PM20D1: variants seen among roughly 807,000 people sequenced by gnomAD.
PM20D1 encodes the protein N-fatty-acyl-amino acid synthase/hydrolase PM20D1.
Under a neutral mutation model 53.8 loss-of-function variants are expected in PM20D1, and 53 were observed. The observed-to-expected ratio is 0.98, with a 90% CI of 0.79 to 1.24. PM20D1 has a LOEUF of 1.24. Ranked by LOEUF, PM20D1 falls within the 50% of genes most tolerant of loss-of-function variation. The pLI is 0.00. For synonymous variants in PM20D1, 239 were observed against 241.3 expected (o/e 0.99, Z 0.09); for missense variants, 564 against 616.8 (o/e 0.91, Z 0.91).
chr1:205,834,432 C>T lies in PM20D1; in HGVS notation c.1117-1666G>A, dbSNP rs549097969. Among the ~76,000 whole-genome samples, 222 of 152,298 alleles carry T rather than the reference C, an allele frequency of 1.5e-3. 1 individual carries two copies. Among genetic ancestry groups the T allele is most frequent in the African/African-American group, 5.1e-3 (211 of 41,578 alleles). ...TTGCCCTCCCAAAGTGCTAGGACTA[C>T]AGGCGTGAGCCACCGTGCCCGGCCC... On this transcript the variant is annotated intron_variant, in intron 10 of 12. Coordinates refer to ENST00000367136, the MANE Select transcript of PM20D1 (RefSeq NM_152491.5).
In PM20D1 at chr1:205,843,716, C is replaced by A. The variant is rs1656871620; in HGVS notation, c.778G>T (p.Ala260Ser). ...CCAATGCTTGTCTCCTTTGGAGGAG[C>A]TGAAGAGTGGCCTGAAGTCATGTTT... is the stretch of plus-strand genomic sequence containing the variant. ...QVNMTSGHSS[A>S]PPKETSIGIL... The change falls in exon 6 of 13, where the codon GCT (alanine) becomes TCT (serine). Residue 260 changes from alanine to serine, a missense_variant. Coordinates refer to ENST00000367136, the MANE Select transcript of PM20D1 (RefSeq NM_152491.5). The A allele has an allele frequency of 6.2e-7, 1 of 1,614,202 alleles. No individual in the cohort carries two copies. The highest frequency in any genetic ancestry group is 8.5e-7 in the Non-Finnish European group (1 of 1,180,036).
At chr1:205,840,552 T>A (rs1242658353) in intron 9 of PM20D1, among the ~76,000 whole-genome samples, 1 of 152,230 alleles carries the variant, frequency 6.6e-6, no homozygotes, top group Admixed American at 6.5e-5. Flanking sequence ...TGCTTCTTGG[T>A]GCTGCAGGGG....
Position 205,828,812 on chromosome 1 carries a change from G to A in PM20D1, c.1386-69C>T. On this transcript the variant is annotated intron_variant, in intron 12 of 12. Transcript: ENST00000367136. ...GTGCCACAGCACAAGTGTTATCACAGAGCACTTCCCTTACTTCCCTCACCA... is the reference window on the plus strand; with the variant it reads ...GTGCCACAGCACAAGTGTTATCACAAAGCACTTCCCTTACTTCCCTCACCA... 3 of 1,584,758 alleles carry A rather than the reference G, an allele frequency of 1.9e-6. No homozygotes were observed. The South Asian group carries it at 3.4e-5, about 18-fold the overall frequency.
intron 1 of PM20D1, among the ~76,000 whole-genome samples, chr1:205,848,981 G>GT (rs1323053279): frequency 2.6e-5 from 4 of 152,198 alleles, no homozygotes; most frequent in Non-Finnish European, 4.4e-5. Flanking sequence ...TGTGCAGACT[G>GT]TGAGTGGCTG....
chr1:205,843,936 G>A (rs1656878366), intron 5 of PM20D1, 150 bp from the exon 6 acceptor site: 3 of 1,464,086 alleles, frequency 2.0e-6, no homozygotes, highest in Non-Finnish European at 1.8e-6. Context: ...AGAATGGAAG[G>A]GGAAGCCTAG....
rs117326234 is a variant in PM20D1 at position 205,832,753 on chromosome 1, G to C, written c.1130C>G (p.Thr377Arg). ...TCTGTTATCAGCCACAATGTTCTTC[G>C]TGAGTTCTAGGACCTCCAGGGTAGA... is the stretch of plus-strand genomic sequence containing the variant. ...GQTVQEVLEL[T>R]KNIVADNRVQ... The change falls in exon 11 of 13, where the codon ACG becomes AGG. Residue 377 changes from threonine (T) to arginine (R), a missense_variant. Thr to Arg is a moderately conservative substitution (Grantham distance 71, BLOSUM62 -1). Transcript: ENST00000367136. 2 of 1,599,970 alleles carry C rather than the reference G, an allele frequency of 1.3e-6. No homozygotes were observed. Among genetic ancestry groups the C allele is most frequent in the Non-Finnish European group, 1.7e-6 (2 of 1,172,712 alleles).
chr1:205,844,727 G>T, intron 4 of PM20D1, 84 bp downstream of exon 4: 1 of 1,274,508 alleles, frequency 7.8e-7, no homozygotes, highest in Non-Finnish European at 1.1e-6. Flanking sequence ...CCTTGCTGCT[G>T]TGGGCAAACT....
At chr1:205,838,067 G>A (rs772320370) in intron 10 of PM20D1, among the ~76,000 whole-genome samples, 11 of 152,090 alleles carry the variant, frequency 7.2e-5, no homozygotes, top group Non-Finnish European at 1.6e-4. Flanking sequence ...CTACAATGAG[G>A]AGTGTGCCTC....
rs75574362 is a variant in PM20D1, at chr1:205,844,011, C to A, written c.707+76G>T. 6,870 of 1,542,248 alleles carry A rather than the reference C, an allele frequency of 4.5e-3. 22 individuals are homozygous for A. The highest frequency in any genetic ancestry group is 5.6e-3 in the Non-Finnish European group (6,430 of 1,140,468). ...CACAAAGAGTTGTCTCAGCATGGCTCACAGATACCAGGCTGGGGTCATCTC... is the reference window on the plus strand; with the variant it reads ...CACAAAGAGTTGTCTCAGCATGGCTAACAGATACCAGGCTGGGGTCATCTC... On this transcript the variant is annotated intron_variant, in intron 5 of 12. Transcript: ENST00000367136.
At chr1:205,834,122 A>G (rs921058652) in intron 10 of PM20D1, among the ~76,000 whole-genome samples, 1 of 147,738 alleles carries the variant, frequency 6.8e-6, no homozygotes, top group Non-Finnish European at 1.5e-5. Context: ...TGTTGGGATT[A>G]CAGGTGTGAG....
At chr1:205,841,188 A>G (rs1319821674) in intron 9 of PM20D1, among the ~76,000 whole-genome samples, 1 of 152,198 alleles carries the variant, frequency 6.6e-6, no homozygotes, top group East Asian at 1.9e-4. Context: ...ATCCAGGACT[A>G]ACTGGAGAAA....
In PM20D1 at chr1:205,844,827, A is replaced by G; in HGVS notation, c.560T>C (p.Leu187Pro). ...AGGCTCTACCTCCTCATCATGGCCC[A>G]GAGAAATGAAGAAAGATCTTCGGGG... is the stretch of plus-strand genomic sequence containing the variant. ...YIPRRSFFIS[L>P]GHDEESSGTG... The change falls in exon 4 of 13, where the codon CTG becomes CCG. Residue 187 changes from leucine (L) to proline (P), a missense_variant. By Grantham distance (98) the Leu-to-Pro change is moderately conservative. Coordinates refer to ENST00000367136, the MANE Select transcript of PM20D1 (RefSeq NM_152491.5). 2.5e-6 allele frequency: 4 copies of G among 1,613,984 alleles called. No individual in the cohort carries two copies. Among genetic ancestry groups the G allele is most frequent in the Non-Finnish European group, 3.4e-6 (4 of 1,179,914 alleles).
intron 10 of PM20D1, among the ~76,000 whole-genome samples, chr1:205,833,808 A>G (rs181326597): frequency 6.6e-6 from 1 of 151,858 alleles, no homozygotes; most frequent in Non-Finnish European, 1.5e-5. Context: ...GTTGTCCCAT[A>G]GCTGCAGATC....
Position 205,842,706 on chromosome 1 carries a change from C to T in PM20D1, c.873G>A (p.Val291=). The T allele has an allele frequency of 6.2e-7, 1 of 1,614,128 alleles. No homozygotes were observed. Among genetic ancestry groups the T allele is most frequent in the Non-Finnish European group, 8.5e-7 (1 of 1,180,040 alleles). ...TTGCCAGTTGCTGCAATACAGTCACCACTGTCCCGCTTCCAAATATGATAG... is the reference window on the plus strand; with the variant it reads ...TTGCCAGTTGCTGCAATACAGTCACTACTGTCCCGCTTCCAAATATGATAG... ...PMPIIFGSGT[V]VTVLQQLANE... The change falls in exon 7 of 13, where the codon GTG becomes GTA. Residue 291 remains valine, a synonymous_variant. Transcript: ENST00000367136.
In PM20D1 at chr1:205,832,582, C is replaced by T; in HGVS notation, c.1285+16G>A. On this transcript the variant is annotated intron_variant, in intron 11 of 12. Coordinates refer to ENST00000367136, the MANE Select transcript of PM20D1 (RefSeq NM_152491.5). The stretch of plus-strand genomic sequence containing the variant: ...AGCCCCCTCCTCCCTCCAGCCACAG[C>T]TGATGAAGTCATTACCTGGGGCAGT... 1.2e-6 allele frequency: 2 copies of T among 1,613,696 alleles called. No homozygotes were observed. Among genetic ancestry groups the T allele is most frequent in the Non-Finnish European group, 8.5e-7 (1 of 1,179,700 alleles).
In PM20D1 at chr1:205,847,966, T is replaced by C. The variant is rs150565860; in HGVS notation, c.175A>G (p.Ile59Val). The C allele has an allele frequency of 8.3e-5, 133 of 1,604,300 alleles. 1 individual carries two copies. The African/African-American group carries it at 1.2e-3, about 15-fold the overall frequency. The change falls in exon 2 of 13, where the codon ATC becomes GTC. Residue 59 changes from isoleucine to valine, a missense_variant. By Grantham distance (29) the Ile-to-Val change is conservative. Transcript: ENST00000367136. ...CTAAAAGTCACTGTTGGAATCTGGA[T>C]GGCACCTGTCAGAGTCAAATAGAGA... is the stretch of plus-strand genomic sequence containing the variant. ...VAMKEALKGA[I>V]QIPTVTFSSE...
chr1:205,830,781 C>T (rs1656541029), intron 11 of PM20D1, among the ~76,000 whole-genome samples: 1 of 147,398 alleles, frequency 6.8e-6, no homozygotes, highest in African/African-American at 2.5e-5. Flanking sequence ...CCCCATGACG[C>T]CCAGGGTGGC....
rs746203267 is a variant in PM20D1 at position 205,840,362 on chromosome 1, T to C, written c.1045-39A>G. 101 of 1,567,018 alleles carry C rather than the reference T, an allele frequency of 6.4e-5. No individual in the cohort carries two copies. In the Admixed American group the frequency reaches 1.7e-3, roughly 26 times the overall value. Reference sequence around the variant, plus strand: ...CACAAAACCCTGGCTTGAGTCAACCTCAAATCTTCTACATCTGCCTGCCCA... The same window carrying C: ...CACAAAACCCTGGCTTGAGTCAACCCCAAATCTTCTACATCTGCCTGCCCA... On this transcript the variant is annotated intron_variant, in intron 9 of 12. Transcript: ENST00000367136.
At chr1:205,848,598 T>TG (rs1238125172) in intron 1 of PM20D1, among the ~76,000 whole-genome samples, 3 of 152,214 alleles carry the variant, frequency 2.0e-5, no homozygotes, top group African/African-American at 7.2e-5. Context: ...GAACCTTCAC[T>TG]GGGCTCATCC....
Sources: gnomAD v4.1 joint callset for allele counts (sites outside exome capture counted in the v4.1 genomes callset) on GRCh38, gnomAD v4.1.1 for gene constraint, MANE v1.5 for transcripts, NCBI Gene and HGNC (gene_info 2026-07-23, HGNC 2026-07-21) for gene names.